DCTN5: variants seen among roughly 807,000 people sequenced by gnomAD.
DCTN5 encodes the protein dynactin 4.
In DCTN5, 14 loss-of-function variants were observed where a neutral mutation model predicts 23.5. The observed-to-expected ratio is 0.60, with a 90% CI of 0.39 to 0.93. The LOEUF (loss-of-function observed/expected upper bound fraction) is 0.93, where lower values mean the gene tolerates loss of function less well. Ranked by LOEUF, DCTN5 falls within the 40% of genes least tolerant of loss-of-function variation. The pLI is 0.00. For synonymous variants in DCTN5, 67 were observed against 79.6 expected (o/e 0.84, Z 0.84); for missense variants, 156 against 225.9 (o/e 0.69, Z 1.98).
At chr16:23,665,201 G>T (rs1967883595) in intron 4 of DCTN5, among the ~76,000 whole-genome samples, 2 of 152,316 alleles carry the variant, frequency 1.3e-5, no homozygotes, top group South Asian at 4.1e-4. Flanking sequence ...CAGGCTTGGG[G>T]TTTGGTGTGT....
At chr16:23,651,215 A>G in intron 2 of DCTN5, 1 of 1,030,724 alleles carries the variant, frequency 9.7e-7, no homozygotes. Context: ...TGTTGAGTTC[A>G]GTGAACTCTT....
chr16:23,668,997 A>G lies in DCTN5; in HGVS notation c.*1853A>G, dbSNP rs748556443. On this transcript the variant is annotated 3_prime_UTR_variant, in exon 6 of 6. Transcript: ENST00000300087. ...GACAAAAACAATAGCTACTACAAAC[A>G]ATAGGAGTTTATAATTATGTGCTGA... 2.6e-5 allele frequency: 4 copies of G among 152,640 alleles called. No homozygotes were observed. The highest frequency in any genetic ancestry group is 6.5e-5 in the Admixed American group (1 of 15,284). 9.5% of individuals were successfully genotyped at this position (152,640 alleles called of 1,614,324 possible).
rs17806470 is a variant in DCTN5 at position 23,667,527 on chromosome 16, C to T, written c.*383C>T. 4,108 of 202,414 alleles carry T rather than the reference C, an allele frequency of 0.02. 69 individuals carry two copies. The highest frequency in any genetic ancestry group is 0.029 in the Non-Finnish European group (2,810 of 96,918). The allele number at this position is 202,414 out of a possible 1,614,324, so 12.5% of individuals were successfully genotyped here. On this transcript the variant is annotated 3_prime_UTR_variant, in exon 6 of 6. Transcript: ENST00000300087. ...CGGTGTGGAGGCTATGTAGCTGGTG[C>T]GCTGCTCACGGCCATTCACTGCCCA...
chr16:23,647,106 A>ATTACCATAGC (rs1967480068), intron 2 of DCTN5, among the ~76,000 whole-genome samples: 1 of 149,512 alleles, frequency 6.7e-6, no homozygotes, highest in Non-Finnish European at 1.5e-5. Flanking sequence ...CACTGTTTTG[A>ATTACCATAGC]TTACCATAGC....
intron 5 of DCTN5, 171 bp from the exon 6 acceptor site, chr16:23,666,876 G>A: frequency 2.9e-6 from 3 of 1,034,712 alleles, no homozygotes; most frequent in Non-Finnish European, 4.1e-6. Flanking sequence ...GGGTCCTGCT[G>A]TGAAAAAGTT....
intron 2 of DCTN5, chr16:23,651,128 AT>A: frequency 7.9e-7 from 1 of 1,267,948 alleles, no homozygotes; most frequent in Non-Finnish European, 1.0e-6. Context: ...AATAATAAAA[AT>A]GCTGCATGAG....
intron 5 of DCTN5, 157 bp downstream of exon 5, chr16:23,665,885 C>A (rs1313609291): frequency 1.6e-6 from 1 of 628,580 alleles, no homozygotes. Context: ...TGCTACCTAA[C>A]ATATAACAAG....
At chr16:23,656,860 G>A (rs1266780968) in intron 2 of DCTN5, among the ~76,000 whole-genome samples, 1 of 151,886 alleles carries the variant, frequency 6.6e-6, no homozygotes, top group Non-Finnish European at 1.5e-5. Context: ...GCATGGTGGT[G>A]GGTGCCTGTC....
chr16:23,663,133 G>T (rs1050378705), intron 4 of DCTN5, among the ~76,000 whole-genome samples: 18 of 152,174 alleles, frequency 1.2e-4, no homozygotes, highest in African/African-American at 4.3e-4. Context: ...CTTAATTTCC[G>T]TTTGGATATG....
At chr16:23,655,522 C>T (rs538807532) in intron 2 of DCTN5, among the ~76,000 whole-genome samples, 2 of 151,674 alleles carry the variant, frequency 1.3e-5, no homozygotes, top group Non-Finnish European at 2.9e-5. Flanking sequence ...ACTATAGGCA[C>T]GTGCCACCAT....
intron 4 of DCTN5, among the ~76,000 whole-genome samples, chr16:23,664,462 A>T (rs1449462884): frequency 6.6e-6 from 1 of 152,246 alleles, no homozygotes; most frequent in East Asian, 1.9e-4. Flanking sequence ...TGGACTGGTT[A>T]GCATTGTCCT....
chr16:23,649,829 C>A (rs997598338), intron 2 of DCTN5, among the ~76,000 whole-genome samples: 1 of 137,472 alleles, frequency 7.3e-6, no homozygotes, highest in Non-Finnish European at 1.5e-5. Context: ...CAGAGTGAGA[C>A]TCTGTCTCAA....
Position 23,669,157 on chromosome 16 carries a change from G to A in DCTN5, c.*2013G>A, listed in dbSNP as rs747078238. 6.6e-6 allele frequency: 1 copy of A among 152,642 alleles called. No homozygotes were observed. The highest frequency in any genetic ancestry group is 2.4e-5 in the African/African-American group (1 of 41,450). 9.5% of individuals were successfully genotyped at this position (152,642 alleles called of 1,614,324 possible). A position where few individuals can be genotyped will look rare whatever the true frequency, so the allele number is the denominator to read the frequency against. On this transcript the variant is annotated 3_prime_UTR_variant, in exon 6 of 6. Coordinates refer to ENST00000300087, the MANE Select transcript of DCTN5 (RefSeq NM_032486.4). Reference sequence around the variant, plus strand: ...ACACAATTACTTTTATAACCCTGGAGATGAAAATCTCCTTGTCCTCAAAAT... The same window carrying A: ...ACACAATTACTTTTATAACCCTGGAAATGAAAATCTCCTTGTCCTCAAAAT...
At chr16:23,660,175 G>A (rs190690824) in intron 3 of DCTN5, among the ~76,000 whole-genome samples, 6 of 152,240 alleles carry the variant, frequency 3.9e-5, no homozygotes, top group Non-Finnish European at 8.8e-5. Flanking sequence ...TGCACAAGAG[G>A]TACAGACCAA....
intron 2 of DCTN5, among the ~76,000 whole-genome samples, chr16:23,647,711 T>A (rs1398601825): frequency 6.6e-6 from 1 of 152,038 alleles, no homozygotes; most frequent in Non-Finnish European, 1.5e-5. Context: ...TTTTACCATG[T>A]TGGCCAGGCT....
chr16:23,643,111 A>G (rs1421565870), intron 2 of DCTN5, 88 bp downstream of exon 2: 2 of 1,028,318 alleles, frequency 1.9e-6, no homozygotes, highest in East Asian at 2.4e-5. Flanking sequence ...ATGTTGCCAT[A>G]TCTCCTATTT....
At position 23,668,927 on chromosome 16, in the gene DCTN5, G is replaced by T. The variant is rs1656233484; in HGVS notation, c.*1783G>T. 1 of 152,562 alleles carries T rather than the reference G, an allele frequency of 6.6e-6. No homozygotes were observed. The highest frequency in any genetic ancestry group is 6.5e-5 in the Admixed American group (1 of 15,282). The allele number at this position is 152,562 out of a possible 1,614,324, so 9.5% of individuals were successfully genotyped here. ...CATGTTTGGCCACATGATTAATCCAGTCTGGGTCATGACCTTTTCTTCATC... is the reference window on the plus strand; with the variant it reads ...CATGTTTGGCCACATGATTAATCCATTCTGGGTCATGACCTTTTCTTCATC... On this transcript the variant is annotated 3_prime_UTR_variant, in exon 6 of 6. Transcript: ENST00000300087.
chr16:23,651,827 G>T (rs1597117245), intron 2 of DCTN5, among the ~76,000 whole-genome samples: 1 of 152,156 alleles, frequency 6.6e-6, no homozygotes, highest in Non-Finnish European at 1.5e-5. Context: ...CTGAGGTCAG[G>T]AGTTTGAGAG....
At chr16:23,666,768 A>T (rs1033923360) in intron 5 of DCTN5, 13 of 489,724 alleles carry the variant, frequency 2.7e-5, no homozygotes, top group African/African-American at 1.9e-4. Context: ...CATCACTCAG[A>T]TTCTTCGGGG....
Sources: allele counts gnomAD v4.1 joint callset (sites outside exome capture counted in the v4.1 genomes callset), GRCh38; gene constraint gnomAD v4.1.1; transcripts MANE v1.5; gene names NCBI Gene and HGNC (gene_info 2026-07-23, HGNC 2026-07-21).